PCDHGA3: variants seen among roughly 807,000 people sequenced by gnomAD.
The protein encoded by PCDHGA3 is protocadherin gamma-A3.
Under a neutral mutation model 58.5 loss-of-function variants are expected in PCDHGA3, and 40 were observed. The ratio of observed to expected loss-of-function variants is 0.68; its 90% confidence interval spans 0.53 to 0.89. The LOEUF (loss-of-function observed/expected upper bound fraction) is 0.89, where lower values mean the gene tolerates loss of function less well. Among genes scored for constraint, PCDHGA3 ranks in the 40% least tolerant of loss-of-function variants. The probability of loss-of-function intolerance (pLI) is 0.00; values close to 1 mark genes in which losing one functional copy is unlikely to be tolerated. For missense variants in PCDHGA3, 1,223 were observed against 1,195.9 expected (o/e 1.02, Z -0.33); for synonymous variants, 530 against 525.7 (o/e 1.01, Z -0.11).
At chr5:141,492,710 G>A (rs11953270) in intron 1 of PCDHGA3, among the ~76,000 whole-genome samples, 27,341 of 152,278 alleles carry the variant, frequency 0.18, 2,647 homozygotes, top group Admixed American at 0.28. Flanking sequence ...GAAGCCTCGA[G>A]CAGGCGGACA....
In PCDHGA3 at chr5:141,415,757, T is replaced by G. The variant is rs765276447; in HGVS notation, c.2424+69300T>G. The G allele has an allele frequency of 5.6e-3, 7,497 of 1,346,942 alleles. 12 individuals are homozygous for G. The highest frequency in any genetic ancestry group is 0.012 in the East Asian group (422 of 35,004). The allele number at this position is 1,346,942 out of a possible 1,614,324, so 83.4% of individuals were successfully genotyped here. A position where few individuals can be genotyped will look rare whatever the true frequency, so the allele number is the denominator to read the frequency against. ...TTATTAAGGTTTTTTTTTTTTTTTT[T>G]TTTTTTTTTTTTTTTACTTTCTGGT... On this transcript the variant is annotated intron_variant, in intron 1 of 3. Coordinates refer to ENST00000253812, the MANE Select transcript of PCDHGA3 (RefSeq NM_018916.4).
intron 1 of PCDHGA3, chr5:141,441,182 CA>C (rs1434822697): frequency 6.6e-6 from 1 of 152,140 alleles, no homozygotes; most frequent in African/African-American, 2.4e-5. Flanking sequence ...TCTAATTCCA[CA>C]ATGATTCCCA....
At chr5:141,404,488 T>C (rs3749770) in intron 1 of PCDHGA3, 387,354 of 1,612,960 alleles carry the variant, frequency 0.24, 50,449 homozygotes, top group African/African-American at 0.51. Flanking sequence ...CAGACACTGG[T>C]GTGCTGTATG....
At chr5:141,357,413 C>T (rs374712311) in intron 1 of PCDHGA3, 2 of 1,614,250 alleles carry the variant, frequency 1.2e-6, no homozygotes, top group East Asian at 2.2e-5. Context: ...GTGCCTGCCT[C>T]GCACTTTGTG....
At chr5:141,396,015 T>C (rs1243437259) in intron 1 of PCDHGA3, 1 of 152,252 alleles carries the variant, frequency 6.6e-6, no homozygotes, top group South Asian at 2.1e-4. Context: ...AAAGTGACTT[T>C]TGTAAAATAT....
At chr5:141,405,757 C>T (rs754575292) in intron 1 of PCDHGA3, among the ~76,000 whole-genome samples, 13 of 152,264 alleles carry the variant, frequency 8.5e-5, no homozygotes, top group East Asian at 3.9e-4. Context: ...GGATTACAGG[C>T]GTGAGCCACT....
In PCDHGA3 at chr5:141,345,187, T is replaced by C. The variant is rs759403018; in HGVS notation, c.1154T>C (p.Phe385Ser). 35 of 1,614,016 alleles carry C rather than the reference T, an allele frequency of 2.2e-5. No homozygotes were observed. The East Asian group carries it at 7.1e-4, about 33-fold the overall frequency. ...GGGCAGAATGGGCAGGTTGAAGTTT[T>C]TGTCCTGGGAAATCTGCCATTTAAG... is the stretch of plus-strand genomic sequence containing the variant. Reference protein sequence around the residue: ...DSGQNGQVEVFVLGNLPFKLE... With the variant: ...DSGQNGQVEVSVLGNLPFKLE... Residue 385 changes from phenylalanine to serine, a missense_variant, in exon 1 of 4, where the codon TTT becomes TCT. By Grantham distance (155) the Phe-to-Ser change is radical. Transcript: ENST00000253812.
chr5:141,374,902 C>T (rs1481689020), intron 1 of PCDHGA3: 2 of 1,613,754 alleles, frequency 1.2e-6, no homozygotes, highest in Middle Eastern at 1.6e-4. Flanking sequence ...ATGAAGGAGT[C>T]CACGGGGAAG....
At chr5:141,435,858 A>C (rs138728159) in intron 1 of PCDHGA3, among the ~76,000 whole-genome samples, 1 of 152,304 alleles carries the variant, frequency 6.6e-6, no homozygotes, top group East Asian at 1.9e-4. Context: ...TACAATAGTT[A>C]AAACCCAGAA....
chr5:141,489,126 T>G lies in PCDHGA3; in HGVS notation c.2425-5681T>G. 31 of 585,108 alleles carry G rather than the reference T, an allele frequency of 5.3e-5. No homozygotes were observed. Among genetic ancestry groups the G allele is most frequent in the South Asian group, 1.3e-4 (4 of 31,402 alleles). 36.2% of individuals were successfully genotyped at this position (585,108 alleles called of 1,614,324 possible). On this transcript the variant is annotated intron_variant, in intron 1 of 3. Transcript: ENST00000253812. The surrounding 1 kb of genome is among the most constrained non-coding windows in gnomAD (Gnocchi z 4.5). ...TGCAAGCAGGCAAACCTCCGAGCAG[T>G]TTTTAAGAGGCTGGAAGGAGACATA...
In PCDHGA3 at chr5:141,351,516, T is replaced by C. The variant is rs749136987; in HGVS notation, c.2424+5059T>C. On this transcript the variant is annotated intron_variant, in intron 1 of 3. Transcript: ENST00000253812. ...ACAGCAGACTACAACGTCACAATCA[T>C]AGCCACCGACAAGGGCAAACCAGCC... 8.7e-6 allele frequency: 14 copies of C among 1,613,854 alleles called. No individual in the cohort carries two copies. In the Admixed American group the frequency reaches 2.3e-4, roughly 27 times the overall value.
chr5:141,351,902 G>T, intron 1 of PCDHGA3: 1 of 1,613,444 alleles, frequency 6.2e-7, no homozygotes, highest in Non-Finnish European at 8.5e-7. Context: ...GCGCGTGTTG[G>T]TGGGCGACCT....
At chr5:141,400,376 T>A in intron 1 of PCDHGA3, 1 of 1,614,070 alleles carries the variant, frequency 6.2e-7, no homozygotes, top group East Asian at 2.2e-5. Context: ...TCCTACAACC[T>A]ATGTGTTGCA....
intron 1 of PCDHGA3, chr5:141,399,691 C>A: frequency 6.2e-7 from 1 of 1,613,480 alleles, no homozygotes; most frequent in Non-Finnish European, 8.5e-7. Context: ...CGAGCAGCTG[C>A]GCACCTTCGA....
At position 141,384,620 on chromosome 5, in the gene PCDHGA3, G is replaced by C. The variant is rs767421233; in HGVS notation, c.2424+38163G>C. On this transcript the variant is annotated intron_variant, in intron 1 of 3. Coordinates refer to ENST00000253812, the MANE Select transcript of PCDHGA3 (RefSeq NM_018916.4). ...GCCCTCCCCACAGATGGTTCTACTG[G>C]CATGGAGCTGGCACCCCGCTCCGCA... 6 of 1,614,082 alleles carry C rather than the reference G, an allele frequency of 3.7e-6. No homozygotes were observed. The African/African-American group carries it at 8.0e-5, about 22-fold the overall frequency.
At chr5:141,380,163 G>A (rs765381808) in intron 1 of PCDHGA3, among the ~76,000 whole-genome samples, 1 of 152,092 alleles carries the variant, frequency 6.6e-6, no homozygotes, top group African/African-American at 2.4e-5. Context: ...GCCTCTCAAA[G>A]GGCTGGGATT....
intron 1 of PCDHGA3, among the ~76,000 whole-genome samples, chr5:141,443,765 A>G (rs577762947): frequency 6.6e-6 from 1 of 152,340 alleles, no homozygotes; most frequent in East Asian, 1.9e-4. Context: ...TACAATATAC[A>G]ATATTACCAA....
chr5:141,477,569 G>A lies in PCDHGA3; in HGVS notation c.2425-17238G>A. The A allele has an allele frequency of 6.2e-7, 1 of 1,614,104 alleles. No homozygotes were observed. Among genetic ancestry groups the A allele is most frequent in the Non-Finnish European group, 8.5e-7 (1 of 1,180,024 alleles). On this transcript the variant is annotated intron_variant, in intron 1 of 3. Coordinates refer to ENST00000253812, the MANE Select transcript of PCDHGA3 (RefSeq NM_018916.4). This position sits in a 1 kb window ranked among gnomAD's most constrained non-coding sequence, Gnocchi z 4.9. ...ACTAAACCTAAGTGTCTGGGACCCC[G>A]ACGCCCCGCAGAATGCTCGGCTTTC...
chr5:141,389,211 G>T (rs2091646577), intron 1 of PCDHGA3: 1 of 1,613,940 alleles, frequency 6.2e-7, no homozygotes, highest in Admixed American at 1.7e-5. Context: ...CATTGGTGAT[G>T]TAAATGACAA....
Sources: gnomAD v4.1 joint callset for allele counts (sites outside exome capture counted in the v4.1 genomes callset) on GRCh38, gnomAD v4.1.1 for gene constraint, Gnocchi (gnomAD v3.1) non-coding constraint, MANE v1.5 for transcripts, NCBI Gene and HGNC (gene_info 2026-07-23, HGNC 2026-07-21) for gene names.